UBR3: variants seen among roughly 807,000 people sequenced by gnomAD.
UBR3 encodes E3 ubiquitin-protein ligase UBR3.
UBR3 carries 85 observed loss-of-function variants against 243.2 expected under a neutral mutation model. That is an observed-to-expected ratio of 0.35 (90% CI 0.29 to 0.42). The LOEUF (loss-of-function observed/expected upper bound fraction) is 0.42. UBR3 is among the 10% of genes least tolerant of loss of function. The pLI is 1.00. For missense variants in UBR3, 1,686 were observed against 2,300.8 expected (o/e 0.73, Z 5.47); for synonymous variants, 748 against 799.8 (o/e 0.94, Z 1.09).
Position 169,925,602 on chromosome 2 carries a change from CA to C in UBR3, c.2023-15del. 6.5e-7 allele frequency: 1 copy of C among 1,526,876 alleles called. No individual in the cohort carries two copies. Among genetic ancestry groups the C allele is most frequent in the Non-Finnish European group, 8.8e-7 (1 of 1,137,224 alleles). The allele number at this position is 1,526,876 out of a possible 1,614,324, so 94.6% of individuals were successfully genotyped here. Reference sequence around the variant, plus strand: ...GCATTTAGATAATTTATTCTTTGTCCAATTTACTTTTATTAGGCAAGTCTTG... The same window carrying C: ...GCATTTAGATAATTTATTCTTTGTCCATTTACTTTTATTAGGCAAGTCTTG... On this transcript the variant is annotated splice_polypyrimidine_tract_variant and intron_variant, in intron 13 of 38. Coordinates refer to ENST00000272793, the MANE Select transcript of UBR3 (RefSeq NM_172070.4).
intron 30 of UBR3, among the ~76,000 whole-genome samples, chr2:170,024,815 T>G (rs2090486049): frequency 6.6e-6 from 1 of 152,178 alleles, no homozygotes; most frequent in Non-Finnish European, 1.5e-5. Flanking sequence ...TATAATACTT[T>G]AGACTTGTCA....
In UBR3 at chr2:169,927,384, A is replaced by T. The variant is rs1489805309; in HGVS notation, c.2403A>T (p.Thr801=). 6.5e-7 allele frequency: 1 copy of T among 1,550,356 alleles called. No individual in the cohort carries two copies. Among genetic ancestry groups the T allele is most frequent in the Non-Finnish European group, 8.7e-7 (1 of 1,146,442 alleles). Residue 801 remains threonine, a synonymous_variant, in exon 17 of 39, where the codon ACA becomes ACT. Transcript: ENST00000272793. ...MVAQLCMNDR[T]HSSLLDLIPE... ...CCCAGCTGTGTATGAATGACAGGACACACAGTTCATTGCTGGACCTCATAT... is the reference window on the plus strand; with the variant it reads ...CCCAGCTGTGTATGAATGACAGGACTCACAGTTCATTGCTGGACCTCATAT...
At chr2:169,842,005 G>T (rs987941710) in intron 1 of UBR3, among the ~76,000 whole-genome samples, 2 of 152,256 alleles carry the variant, frequency 1.3e-5, no homozygotes, top group Admixed American at 6.5e-5. Context: ...CCTGAGTCTG[G>T]TGGGGACGTG....
intron 38 of UBR3, 29 bp from the exon 39 acceptor site, chr2:170,081,697 T>C (rs1476051931): frequency 1.3e-6 from 2 of 1,511,480 alleles, no homozygotes; most frequent in Non-Finnish European, 1.8e-6. Context: ...GTGTATGATA[T>C]TAATACTTTT....
At chr2:169,836,079 T>A (rs866503462) in intron 1 of UBR3, among the ~76,000 whole-genome samples, 1,559 of 101,122 alleles carry the variant, frequency 0.015, 100 homozygotes, top group Non-Finnish European at 0.025. Flanking sequence ...TTTTTTTTTT[T>A]TTTTTTTTTT....
intron 26 of UBR3, among the ~76,000 whole-genome samples, chr2:169,998,261 G>A (rs1245880238): frequency 6.6e-6 from 1 of 152,154 alleles, no homozygotes; most frequent in African/African-American, 2.4e-5. Flanking sequence ...TGAGGGAAGA[G>A]ACGATCTAAT....
intron 1 of UBR3, among the ~76,000 whole-genome samples, chr2:169,842,343 A>T (rs2082325870): frequency 1.3e-5 from 2 of 152,188 alleles, no homozygotes; most frequent in South Asian, 2.1e-4. Context: ...TAAACGCACC[A>T]ATCAGCGCCC....
Position 169,836,025 on chromosome 2 carries a change from CTCTCTCTCTCTCTCTCTCTATA to C in UBR3, c.545+7975_545+7996del, listed in dbSNP as rs1292629645. Among the ~76,000 whole-genome samples, 143 of 30,672 alleles carry C rather than the reference CTCTCTCTCTCTCTCTCTCTATA, an allele frequency of 4.7e-3. 4 individuals are homozygous for C. Among genetic ancestry groups the C allele is most frequent in the Non-Finnish European group, 7.3e-3 (113 of 15,466 alleles). 20.1% of individuals were successfully genotyped at this position (30,672 alleles called of 152,430 possible). On this transcript the variant is annotated intron_variant, in intron 1 of 38. Transcript: ENST00000272793. ...TCTCTCTCTCTCTCTCTCTCTCTCT[CTCTCTCTCTCTCTCTCTCTATA>C]TATATATATATATATATATATTTTT...
chr2:169,828,159 G>A, intron 1 of UBR3, 107 bp downstream of exon 1: 1 of 1,276,592 alleles, frequency 7.8e-7, no homozygotes, highest in Non-Finnish European at 9.9e-7. Context: ...AGGGGAGGGT[G>A]CGGGGGAGGG....
intron 1 of UBR3, among the ~76,000 whole-genome samples, chr2:169,866,371 T>G (rs887043901): frequency 3.8e-4 from 55 of 144,354 alleles, no homozygotes; most frequent in Non-Finnish European, 6.6e-4. Context: ...TGTTTTTTTG[T>G]TTTTTTTTTT....
rs138134291 is a variant in UBR3 at position 170,063,582 on chromosome 2, A to G, written c.5019+2139A>G. ...GAAAAATTCCAGAAAAAAACTATTC[A>G]TAAGTTTTAAATTGCACACCATTCT... On this transcript the variant is annotated intron_variant, in intron 35 of 38. Coordinates refer to ENST00000272793, the MANE Select transcript of UBR3 (RefSeq NM_172070.4). 2.6e-5 allele frequency among the ~76,000 whole-genome samples: 4 copies of G among 152,306 alleles called. No individual in the cohort carries two copies. The East Asian group carries it at 7.7e-4, about 29-fold the overall frequency.
intron 22 of UBR3, among the ~76,000 whole-genome samples, chr2:169,948,539 T>C (rs567090772): frequency 6.6e-6 from 1 of 152,184 alleles, no homozygotes; most frequent in African/African-American, 2.4e-5. Context: ...ACCTAGATTT[T>C]CGTGAGTAGA....
intron 30 of UBR3, among the ~76,000 whole-genome samples, chr2:170,028,687 G>A (rs1010133109): frequency 4.8e-5 from 1 of 20,726 alleles, no homozygotes; most frequent in African/African-American, 7.2e-5. Context: ...GCAATACTTA[G>A]GGTTTTTTTT....
At position 169,949,599 on chromosome 2, in the gene UBR3, T is replaced by C. The variant is rs1488220568; in HGVS notation, c.3085-6T>C. The C allele has an allele frequency of 3.3e-6, 5 of 1,510,230 alleles. No homozygotes were observed. Among genetic ancestry groups the C allele is most frequent in the Non-Finnish European group, 4.4e-6 (5 of 1,130,556 alleles). The allele number at this position is 1,510,230 out of a possible 1,614,324, so 93.6% of individuals were successfully genotyped here. A position where few individuals can be genotyped will look rare whatever the true frequency, so the allele number is the denominator to read the frequency against. ...ATTTTTCTTTGTTTCTCTTTGTTAA[T>C]GGTAGAATTCTGGTACAGCTCAAGT... On this transcript the variant is annotated splice_polypyrimidine_tract_variant and splice_region_variant and intron_variant, in intron 22 of 38. Coordinates refer to ENST00000272793, the MANE Select transcript of UBR3 (RefSeq NM_172070.4).
intron 23 of UBR3, among the ~76,000 whole-genome samples, chr2:169,955,013 A>G (rs1467140270): frequency 1.3e-5 from 2 of 152,166 alleles, no homozygotes; most frequent in Non-Finnish European, 2.9e-5. Flanking sequence ...CAGTAGTAAC[A>G]TTGTAGAATA....
chr2:169,855,365 T>C (rs1397160933), intron 1 of UBR3, among the ~76,000 whole-genome samples: 1 of 152,170 alleles, frequency 6.6e-6, no homozygotes, highest in African/African-American at 2.4e-5. Flanking sequence ...TTTTTTTTAG[T>C]ATTTATTGAT....
chr2:169,871,743 C>CAAAAAAAAAAAAAAAAAAAA (rs562559554), intron 1 of UBR3, among the ~76,000 whole-genome samples: 21 of 94,994 alleles, frequency 2.2e-4, no homozygotes, highest in Non-Finnish European at 4.3e-4. Flanking sequence ...CCAAGACTCT[C>CAAAAAAAAAAAAAAAAAAAA]AAAAAAAAAA....
At chr2:169,830,959 C>A (rs754959315) in intron 1 of UBR3, among the ~76,000 whole-genome samples, 5 of 151,338 alleles carry the variant, frequency 3.3e-5, no homozygotes, top group Non-Finnish European at 5.9e-5. Flanking sequence ...AGAAATATGT[C>A]AGTGAGTTTC....
chr2:169,876,286 T>G (rs2105312746), intron 3 of UBR3, among the ~76,000 whole-genome samples: 2 of 152,002 alleles, frequency 1.3e-5, no homozygotes, highest in Middle Eastern at 6.8e-3. Context: ...TTCACTGTGT[T>G]AGCCAGGATG....
Sources: allele counts gnomAD v4.1 joint callset (sites outside exome capture counted in the v4.1 genomes callset), GRCh38; gene constraint gnomAD v4.1.1; transcripts MANE v1.5; gene names NCBI Gene and HGNC (gene_info 2026-07-23, HGNC 2026-07-21).